Variants in CYP4F12 observed in about 807,000 individuals in gnomAD.
CYP4F12 encodes cytochrome P450 4F12.
Under a neutral mutation model 56.5 loss-of-function variants are expected in CYP4F12, and 60 were observed. The observed-to-expected ratio is 1.06, with a 90% CI of 0.86 to 1.32. CYP4F12 has a LOEUF of 1.32. Ranked by LOEUF, CYP4F12 falls within the 40% of genes most tolerant of loss-of-function variation. The probability of loss-of-function intolerance (pLI) is 0.00; values close to 1 mark genes in which losing one functional copy is unlikely to be tolerated. For missense variants in CYP4F12, 711 were observed against 683.5 expected (o/e 1.04, Z -0.45); for synonymous variants, 263 against 264.9 (o/e 0.99, Z 0.07).
chr19:15,684,756 T>TTTTGTGTGTGTG (rs1555751162), intron 7 of CYP4F12, 60 bp from the exon 8 acceptor site: 7 of 1,044,582 alleles, frequency 6.7e-6, no homozygotes, highest in African/African-American at 1.7e-5. Flanking sequence ...ATAGTATAAT[T>TTTTGTGTGTGTG]TGTGTGTGTG....
intron 9 of CYP4F12, among the ~76,000 whole-genome samples, chr19:15,693,272 A>G (rs1274379228): frequency 2.0e-5 from 3 of 152,214 alleles, no homozygotes; most frequent in African/African-American, 7.2e-5. Context: ...GAACCAGATA[A>G]TTGTAGACGG....
intron 9 of CYP4F12, among the ~76,000 whole-genome samples, chr19:15,695,078 A>G (rs2008057668): frequency 6.6e-6 from 1 of 152,132 alleles, no homozygotes. Flanking sequence ...CACTATTCAC[A>G]ACAGCAAAGA....
chr19:15,684,671 G>A (rs998037083), intron 7 of CYP4F12, 145 bp from the exon 8 acceptor site: 5 of 767,896 alleles, frequency 6.5e-6, no homozygotes, highest in Admixed American at 2.5e-5. Context: ...AGATCTAGAC[G>A]TGCAGAGTGC....
rs758286937 is a variant in CYP4F12, at chr19:15,696,077, C to T, written c.1249+8C>T. 2.5e-6 allele frequency: 4 copies of T among 1,612,568 alleles called. No individual in the cohort carries two copies. The highest frequency in any genetic ancestry group is 1.7e-5 in the Admixed American group (1 of 59,806). ...GCCGAGTCATCCCCAAAGGTGCCCACAGCCTCAGGGGGAGAAGCCTCCCGG... is the reference window on the plus strand; with the variant it reads ...GCCGAGTCATCCCCAAAGGTGCCCATAGCCTCAGGGGGAGAAGCCTCCCGG... On this transcript the variant is annotated splice_region_variant and intron_variant, in intron 10 of 12. Transcript: ENST00000550308.
chr19:15,686,324 G>A (rs891330423), intron 9 of CYP4F12, among the ~76,000 whole-genome samples: 3 of 152,214 alleles, frequency 2.0e-5, no homozygotes, highest in African/African-American at 7.2e-5. Context: ...TGCCTCAACT[G>A]AAACCCTGAA....
chr19:15,678,462 G>A, intron 3 of CYP4F12, 57 bp downstream of exon 3: 1 of 1,605,956 alleles, frequency 6.2e-7, no homozygotes, highest in Non-Finnish European at 8.5e-7. Context: ...TGTGGTCTCT[G>A]CAGTACCCAC....
At chr19:15,673,414 C>A in intron 1 of CYP4F12, 115 bp from the exon 2 acceptor site, 1 of 1,205,354 alleles carries the variant, frequency 8.3e-7, no homozygotes, top group Non-Finnish European at 1.2e-6. Context: ...CGTTTACTCA[C>A]CCCTGAGCCC....
chr19:15,678,736 G>T (rs578224446), intron 3 of CYP4F12, among the ~76,000 whole-genome samples: 18 of 152,216 alleles, frequency 1.2e-4, no homozygotes, highest in African/African-American at 4.3e-4. Context: ...GGGCAGGCTG[G>T]AATGTTTCCT....
chr19:15,682,080 T>A (rs2007328860), intron 5 of CYP4F12: 1 of 260,112 alleles, frequency 3.8e-6, no homozygotes, highest in African/African-American at 2.2e-5. Flanking sequence ...CCAAAGCAGA[T>A]CACCTTGACC....
At chr19:15,679,804 T>C (rs581810) in intron 3 of CYP4F12, among the ~76,000 whole-genome samples, 3,737 of 152,156 alleles carry the variant, frequency 0.025, 15 homozygotes, top group African/African-American at 0.086. Flanking sequence ...GGGACATGTC[T>C]GGGACATTTA....
intron 2 of CYP4F12, among the ~76,000 whole-genome samples, chr19:15,676,378 C>T: frequency 7.4e-6 from 1 of 135,456 alleles, no homozygotes; most frequent in African/African-American, 2.8e-5. Context: ...TCTCCTCACT[C>T]ACTCATTCCT....
intron 9 of CYP4F12, 110 bp downstream of exon 9, chr19:15,685,307 G>A (rs1196138044): frequency 1.4e-6 from 2 of 1,461,212 alleles, no homozygotes; most frequent in Non-Finnish European, 1.8e-6. Context: ...TGCTTAGTGG[G>A]TATAAAAGCA....
chr19:15,687,696 G>A (rs923576067), intron 9 of CYP4F12, among the ~76,000 whole-genome samples: 12 of 152,246 alleles, frequency 7.9e-5, no homozygotes, highest in African/African-American at 2.9e-4. Flanking sequence ...ATCTTCACTG[G>A]GGAATCTGAA....
chr19:15,692,417 C>A (rs185761932), intron 9 of CYP4F12, among the ~76,000 whole-genome samples: 23 of 152,094 alleles, frequency 1.5e-4, no homozygotes, highest in African/African-American at 5.3e-4. Context: ...AGTATCTTTT[C>A]TTTTATTATC....
At chr19:15,674,431 G>T (rs373970180) in intron 2 of CYP4F12, among the ~76,000 whole-genome samples, 2 of 1,078 alleles carry the variant, frequency 1.9e-3, no homozygotes, top group African/African-American at 3.0e-3. Context: ...CCTCACTCGC[G>T]CATTCCTCTC....
At chr19:15,692,720 A>G (rs2007927201) in intron 9 of CYP4F12, among the ~76,000 whole-genome samples, 2 of 152,166 alleles carry the variant, frequency 1.3e-5, no homozygotes, top group Non-Finnish European at 1.5e-5. Context: ...CAGAGTAGGG[A>G]TAACCTTATT....
chr19:15,689,259 A>C (rs4808361), intron 9 of CYP4F12, among the ~76,000 whole-genome samples: 42,400 of 150,686 alleles, frequency 0.28, 6,816 homozygotes, highest in East Asian at 0.7. Flanking sequence ...GCAAGGAAAA[A>C]AAACAAACAA....
rs761587768 is a variant in CYP4F12 at position 15,696,193 on chromosome 19, C to T, written c.1282C>T (p.His428Tyr). ...CTGCCTCATCGATATTATAGGGGTC[C>T]ATCACAACCCAACTGTGTGGCCGGA... is the stretch of plus-strand genomic sequence containing the variant. ...ITCLIDIIGV[H>Y]HNPTVWPDPE... The change falls in exon 11 of 13, where the codon CAT (histidine) becomes TAT (tyrosine). Residue 428 changes from histidine to tyrosine, a missense_variant. By Grantham distance (83) the His-to-Tyr change is moderately conservative. Transcript: ENST00000550308. The T allele has an allele frequency of 5.6e-6, 9 of 1,613,998 alleles. No individual in the cohort carries two copies. The highest frequency in any genetic ancestry group is 7.6e-6 in the Non-Finnish European group (9 of 1,180,028).
In CYP4F12 at chr19:15,683,573, T is replaced by C; in HGVS notation, c.728T>C (p.Met243Thr). Reference protein sequence around the residue: ...EKRSQHILQHMDFLYYLSHDG... With the variant: ...EKRSQHILQHTDFLYYLSHDG... Reference sequence around the variant, plus strand: ...AGAAGCCAGCATATCCTCCAGCACATGGACTTTCTGTATTACCTCTCCCAT... The same window carrying C: ...AGAAGCCAGCATATCCTCCAGCACACGGACTTTCTGTATTACCTCTCCCAT... Residue 243 changes from methionine to threonine, a missense_variant, in exon 7 of 13, where the codon ATG becomes ACG. Coordinates refer to ENST00000550308, the MANE Select transcript of CYP4F12 (RefSeq NM_023944.4). The C allele has an allele frequency of 1.9e-6, 3 of 1,614,162 alleles. No homozygotes were observed. Among genetic ancestry groups the C allele is most frequent in the Non-Finnish European group, 2.5e-6 (3 of 1,180,014 alleles).
Sources: gnomAD v4.1 joint callset for allele counts (sites outside exome capture counted in the v4.1 genomes callset) on GRCh38, gnomAD v4.1.1 for gene constraint, MANE v1.5 for transcripts, NCBI Gene and HGNC (gene_info 2026-07-23, HGNC 2026-07-21) for gene names.